PPP1R3B: variants seen among roughly 807,000 people sequenced by gnomAD.
PPP1R3B encodes the protein protein phosphatase 1 regulatory subunit 3B.
In PPP1R3B, 8 loss-of-function variants were observed where a neutral mutation model predicts 14.6. The ratio of observed to expected loss-of-function variants is 0.55; its 90% CI spans 0.32 to 0.99. The LOEUF (loss-of-function observed/expected upper bound fraction) is 0.99, where lower values mean the gene tolerates loss of function less well. Ranked by LOEUF, PPP1R3B falls within the 50% of genes least tolerant of loss-of-function variation. PPP1R3B has a pLI of 0.04. For synonymous variants in PPP1R3B, 169 were observed against 142.0 expected, an observed-to-expected ratio of 1.19 and a Z score of -1.35; for missense variants, 452 against 360.1, an observed-to-expected ratio of 1.26 and a Z score of -2.07.
chr8:9,144,837 C>A (rs1441164664), intron 1 of PPP1R3B, among the ~76,000 whole-genome samples: 1 of 152,140 alleles, frequency 6.6e-6, no homozygotes, highest in African/African-American at 2.4e-5. Context: ...CCTCCACCTC[C>A]CAGGTTCAAG....
chr8:9,149,084 T>G lies in PPP1R3B; in HGVS notation c.-18+1479A>C, dbSNP rs530433313. Reference sequence around the variant, plus strand: ...GGCGGGCGCCTGTAGTCCCAGCTACTCAGGAGGCCGAGGCAGGAGAATGGC... The same window carrying G: ...GGCGGGCGCCTGTAGTCCCAGCTACGCAGGAGGCCGAGGCAGGAGAATGGC... On this transcript the variant is annotated intron_variant, in intron 1 of 1. Coordinates refer to ENST00000310455, the MANE Select transcript of PPP1R3B (RefSeq NM_024607.4). Among the ~76,000 whole-genome samples the G allele has an allele frequency of 1.4e-5, 2 of 146,704 alleles. 1 individual carries two copies. The highest frequency in any genetic ancestry group is 4.3e-4 in the South Asian group (2 of 4,664).
At chr8:9,148,716 G>C (rs1162477519) in intron 1 of PPP1R3B, among the ~76,000 whole-genome samples, 1 of 151,468 alleles carries the variant, frequency 6.6e-6, no homozygotes, top group East Asian at 2.0e-4. Context: ...AGGTTAGACG[G>C]CCATGGTGAT....
rs1301682216 is a variant in PPP1R3B, at chr8:9,141,436, G to T, written c.216C>A (p.Ala72=). 2 of 1,614,084 alleles carry T rather than the reference G, an allele frequency of 1.2e-6. No individual in the cohort carries two copies. Among genetic ancestry groups the T allele is most frequent in the Non-Finnish European group, 1.7e-6 (2 of 1,180,022 alleles). The part of the protein sequence containing the change: ...RVSFADNQGL[A]LTMVKVFSEF... ...CCGAGAACACTTTGACCATTGTCAG[G>T]GCCAGCCCCTGGTTGTCTGCGAAGG... Residue 72 remains alanine, a synonymous_variant, in exon 2 of 2, where the codon GCC becomes GCA. Transcript: ENST00000310455.
At chr8:9,144,780 G>T (rs865838332) in intron 1 of PPP1R3B, among the ~76,000 whole-genome samples, 1 of 151,828 alleles carries the variant, frequency 6.6e-6, no homozygotes, top group Non-Finnish European at 1.5e-5. Context: ...AGTTTCACTC[G>T]TGTCACCCAG....
At chr8:9,144,886 C>T (rs1323617139) in intron 1 of PPP1R3B, among the ~76,000 whole-genome samples, 1 of 151,896 alleles carries the variant, frequency 6.6e-6, no homozygotes, top group East Asian at 1.9e-4. Flanking sequence ...GCTGGGATTA[C>T]AGGAGTCTGC....
chr8:9,145,973 A>T (rs1488409412), intron 1 of PPP1R3B, among the ~76,000 whole-genome samples: 1 of 151,998 alleles, frequency 6.6e-6, no homozygotes, highest in Non-Finnish European at 1.5e-5. Context: ...GGGCCCAAGC[A>T]ATCCTCCCGC....
intron 1 of PPP1R3B, 56 bp from the exon 2 acceptor site, chr8:9,141,724 CA>C (rs748006859): frequency 5.3e-6 from 8 of 1,518,740 alleles, no homozygotes; most frequent in Non-Finnish European, 6.3e-6. Context: ...TCAGATCAGA[CA>C]GATGTGTAAA....
intron 1 of PPP1R3B, among the ~76,000 whole-genome samples, chr8:9,143,045 T>C (rs1436900610): frequency 2.6e-5 from 4 of 152,212 alleles, no homozygotes; most frequent in Non-Finnish European, 5.9e-5. Flanking sequence ...TGCCGGGTCA[T>C]ATAGTAGTTC....
intron 1 of PPP1R3B, among the ~76,000 whole-genome samples, chr8:9,149,053 C>A (rs1327054331): frequency 3.4e-5 from 5 of 148,394 alleles, no homozygotes; most frequent in African/African-American, 1.2e-4. Flanking sequence ...ATTAGCCGGG[C>A]GTGGCGGCGG....
At chr8:9,149,328 G>A (rs1192653268) in intron 1 of PPP1R3B, among the ~76,000 whole-genome samples, 1 of 148,806 alleles carries the variant, frequency 6.7e-6, no homozygotes, top group Non-Finnish European at 1.5e-5. Flanking sequence ...GTGAAACCCC[G>A]TCTCTACTAA....
chr8:9,150,879 T>C (rs1198955411), upstream of PPP1R3B, among the ~76,000 whole-genome samples: 3 of 152,154 alleles, frequency 2.0e-5, no homozygotes, highest in Non-Finnish European at 4.4e-5. Flanking sequence ...CCTGAGAGCC[T>C]ACCAAGTGTA....
At chr8:9,148,961 G>C (rs1023751009) in intron 1 of PPP1R3B, among the ~76,000 whole-genome samples, 2 of 151,848 alleles carry the variant, frequency 1.3e-5, no homozygotes, top group Non-Finnish European at 2.9e-5. Flanking sequence ...GCCGAGGCGG[G>C]CGGATCACGA....
rs1800948483 is a variant in PPP1R3B, at chr8:9,138,065, T to C, written c.*2729A>G. On this transcript the variant is annotated 3_prime_UTR_variant, in exon 2 of 2. Transcript: ENST00000310455. ...TTTTTCTTATGAACAGAGTGATCCT[T>C]AGTCGGGTAACATGTCAATGACAGT... 6.6e-6 allele frequency: 1 copy of C among 152,224 alleles called. No individual in the cohort carries two copies. The highest frequency in any genetic ancestry group is 1.5e-5 in the Non-Finnish European group (1 of 68,028). The allele number at this position is 152,224 out of a possible 1,614,324, so 9.4% of individuals were successfully genotyped here.
In PPP1R3B at chr8:9,136,673, A is replaced by C. The variant is rs1800900799; in HGVS notation, c.*4121T>G. 1 of 152,242 alleles carries C rather than the reference A, an allele frequency of 6.6e-6. No individual in the cohort carries two copies. The highest frequency in any genetic ancestry group is 2.1e-4 in the South Asian group (1 of 4,836). The allele number at this position is 152,242 out of a possible 1,614,324, so 9.4% of individuals were successfully genotyped here. A position where few individuals can be genotyped will look rare whatever the true frequency, so the allele number is the denominator to read the frequency against. On this transcript the variant is annotated 3_prime_UTR_variant, in exon 2 of 2. Coordinates refer to ENST00000310455, the MANE Select transcript of PPP1R3B (RefSeq NM_024607.4). ...TGTGTTGTCTCACTGCAGGAAATTA[A>C]GATAAGCTGCCAAATTGTCTTTGTG... is the stretch of plus-strand genomic sequence containing the variant.
chr8:9,146,020 C>T (rs945623538), intron 1 of PPP1R3B, among the ~76,000 whole-genome samples: 1 of 151,922 alleles, frequency 6.6e-6, no homozygotes, highest in African/African-American at 2.4e-5. Context: ...CAGGTGTGCA[C>T]CTCCATGCCC....
At chr8:9,141,773 T>C (rs1439675750) in intron 1 of PPP1R3B, 105 bp from the exon 2 acceptor site, 1 of 1,113,776 alleles carries the variant, frequency 9.0e-7, no homozygotes, top group African/African-American at 1.6e-5. Flanking sequence ...CAATATTTCC[T>C]TTTATCTATG....
chr8:9,147,833 G>A (rs1801286582), intron 1 of PPP1R3B, among the ~76,000 whole-genome samples: 1 of 151,998 alleles, frequency 6.6e-6, no homozygotes, highest in Non-Finnish European at 1.5e-5. Context: ...GCTATTACAA[G>A]ATTCTTCCAT....
chr8:9,148,609 G>C (rs1801313069), intron 1 of PPP1R3B, among the ~76,000 whole-genome samples: 1 of 152,182 alleles, frequency 6.6e-6, no homozygotes, highest in Non-Finnish European at 1.5e-5. Context: ...AGTGTTCATG[G>C]CTAAGACAGG....
At chr8:9,147,522 GA>G (rs1801277111) in intron 1 of PPP1R3B, among the ~76,000 whole-genome samples, 1 of 151,936 alleles carries the variant, frequency 6.6e-6, no homozygotes, top group Non-Finnish European at 1.5e-5. Flanking sequence ...TGCATGTTAG[GA>G]AAAGCCTTGG....
Sources: gnomAD v4.1 joint callset for allele counts (sites outside exome capture counted in the v4.1 genomes callset) on GRCh38, gnomAD v4.1.1 for gene constraint, MANE v1.5 for transcripts, NCBI Gene and HGNC (gene_info 2026-07-23, HGNC 2026-07-21) for gene names.